HSPH1: variants seen among roughly 807,000 people sequenced by gnomAD.
HSPH1 encodes heat shock protein family H (Hsp110) member 1, also known as heat shock protein 105 kDa.
HSPH1 carries 40 observed loss-of-function variants against 100.0 expected under a neutral mutation model. The ratio of observed to expected loss-of-function variants is 0.40; its 90% CI spans 0.31 to 0.52. The LOEUF (loss-of-function observed/expected upper bound fraction) is 0.52. HSPH1 is among the 20% of genes least tolerant of loss of function. The probability of loss-of-function intolerance (pLI) is 0.54; values close to 1 mark genes in which losing one functional copy is unlikely to be tolerated. For missense variants in HSPH1, 876 were observed against 1,015.1 expected (o/e 0.86, Z 1.86); for synonymous variants, 403 against 344.0 (o/e 1.17, Z -1.90).
At chr13:31,142,388 C>T (rs1157373890) in intron 12 of HSPH1, among the ~76,000 whole-genome samples, 2 of 152,046 alleles carry the variant, frequency 1.3e-5, no homozygotes, top group African/African-American at 2.4e-5. Flanking sequence ...ATGAGCTAGG[C>T]AGTCAGCCTA....
At chr13:31,147,691 CAT>C (rs970611011) in intron 10 of HSPH1, among the ~76,000 whole-genome samples, 1 of 151,790 alleles carries the variant, frequency 6.6e-6, no homozygotes, top group South Asian at 2.1e-4. Context: ...TTAAAGTGTT[CAT>C]ATATATATAC....
chr13:31,161,396 T>C, intron 1 of HSPH1, 80 bp downstream of exon 1: 2 of 1,561,412 alleles, frequency 1.3e-6, no homozygotes, highest in Non-Finnish European at 8.7e-7. Flanking sequence ...CGGTGATCCG[T>C]ACAGCCAGCC....
chr13:31,160,176 T>A (rs763958424), intron 1 of HSPH1, among the ~76,000 whole-genome samples: 1 of 152,222 alleles, frequency 6.6e-6, no homozygotes, highest in East Asian at 1.9e-4. Flanking sequence ...CTTTGTTTTA[T>A]TGGATCAACC....
rs1006039855 is a variant in HSPH1 at position 31,158,733 on chromosome 13, A to G, written c.165+73T>C. On this transcript the variant is annotated intron_variant, in intron 2 of 17. Coordinates refer to ENST00000320027, the MANE Select transcript of HSPH1 (RefSeq NM_006644.4). ...AAACTTAGGCACACTTTACCCTCTT[A>G]TATGTCTCTTGAGATTTTCCTTTTA... is the stretch of plus-strand genomic sequence containing the variant. The G allele has an allele frequency of 4.3e-6, 4 of 934,704 alleles. No homozygotes were observed. The African/African-American group carries it at 6.5e-5, about 15-fold the overall frequency. 57.9% of individuals were successfully genotyped at this position (934,704 alleles called of 1,614,324 possible). A position where few individuals can be genotyped will look rare whatever the true frequency, so the allele number is the denominator to read the frequency against.
intron 11 of HSPH1, 86 bp from the exon 12 acceptor site, chr13:31,144,009 C>A: frequency 1.7e-6 from 2 of 1,152,382 alleles, no homozygotes; most frequent in South Asian, 5.0e-5. Context: ...AAAGAAAGTA[C>A]ACTCAATTTC....
Position 31,140,285 on chromosome 13 carries a change from A to G in HSPH1, c.1879T>C (p.Leu627=), listed in dbSNP as rs140483871. 145 of 1,610,496 alleles carry G rather than the reference A, an allele frequency of 9.0e-5. No individual in the cohort carries two copies. Among genetic ancestry groups the G allele is most frequent in the East Asian group, 4.2e-4 (19 of 44,768 alleles). The change falls in exon 14 of 18, where the codon TTG becomes CTG. Residue 627 remains leucine, a synonymous_variant. Coordinates refer to ENST00000320027, the MANE Select transcript of HSPH1 (RefSeq NM_006644.4). ...TTAGCATCATTCCTTTCTTTTTCCA[A>G]TTTATCTTGCATTATCATCTTACCC... ...TEGKMIMQDK[L]EKERNDAKNA...
In HSPH1 at chr13:31,137,398, T is replaced by G; in HGVS notation, c.2497A>C (p.Asn833His). 1 of 1,613,604 alleles carries G rather than the reference T, an allele frequency of 6.2e-7. No individual in the cohort carries two copies. The highest frequency in any genetic ancestry group is 8.5e-7 in the Non-Finnish European group (1 of 1,179,634). ...TGATGTGGAGGTTCAGCACCAAAAT[T>G]GTTTTTGTCTTCTAAATCTTCTTCC... ...KKEEDLEDKN[N>H]FGAEPPHQNG... Residue 833 changes from asparagine to histidine, a missense_variant, in exon 18 of 18, where the codon AAT (asparagine) becomes CAT (histidine). By Grantham distance (68) the Asn-to-His change is moderately conservative. Transcript: ENST00000320027.
upstream of HSPH1, chr13:31,161,964 T>A: frequency 6.5e-7 from 1 of 1,536,036 alleles, no homozygotes; most frequent in Non-Finnish European, 8.7e-7. Context: ...CTTTCCAGAA[T>A]CTGCGGCATT....
chr13:31,150,874 C>T, intron 7 of HSPH1, 73 bp downstream of exon 7: 1 of 1,436,920 alleles, frequency 7.0e-7, no homozygotes, highest in African/African-American at 1.4e-5. Flanking sequence ...TCACAACACC[C>T]ACTAGAACTG....
rs3761869 is a variant in HSPH1, at chr13:31,158,724, T to C, written c.165+82A>G. 1,136 of 858,392 alleles carry C rather than the reference T, an allele frequency of 1.3e-3. 9 individuals carry two copies. Among genetic ancestry groups the C allele is most frequent in the East Asian group, 0.013 (547 of 41,394 alleles). The allele number at this position is 858,392 out of a possible 1,614,324, so 53.2% of individuals were successfully genotyped here. On this transcript the variant is annotated intron_variant, in intron 2 of 17. Transcript: ENST00000320027. ...AAAATACATAAACTTAGGCACACTT[T>C]ACCCTCTTATATGTCTCTTGAGATT...
chr13:31,150,268 C>T, intron 7 of HSPH1, 86 bp from the exon 8 acceptor site: 1 of 949,484 alleles, frequency 1.1e-6, no homozygotes, highest in Non-Finnish European at 1.6e-6. Flanking sequence ...CATTATTTTC[C>T]CCCTCAGACA....
At chr13:31,149,608 CTTA>C (rs1329333016) in intron 8 of HSPH1, among the ~76,000 whole-genome samples, 3 of 152,052 alleles carry the variant, frequency 2.0e-5, no homozygotes, top group Non-Finnish European at 4.4e-5. Flanking sequence ...AAATCAATTC[CTTA>C]TTATATCAGA....
At chr13:31,139,405 A>T (rs10507396) in intron 14 of HSPH1, among the ~76,000 whole-genome samples, 20,337 of 152,108 alleles carry the variant, frequency 0.13, 1,593 homozygotes, top group Non-Finnish European at 0.16. Flanking sequence ...TCAAATGCTG[A>T]AGGGGAAGCT....
intron 2 of HSPH1, among the ~76,000 whole-genome samples, chr13:31,155,908 C>G (rs373932767): frequency 2.0e-5 from 3 of 152,148 alleles, no homozygotes; most frequent in African/African-American, 7.2e-5. Flanking sequence ...TGACGACAGA[C>G]TTTAAAGATT....
chr13:31,148,261 G>T, intron 9 of HSPH1, 113 bp downstream of exon 9: 1 of 1,013,210 alleles, frequency 9.9e-7, no homozygotes, highest in Non-Finnish European at 1.5e-6. Context: ...AAAGATTCCA[G>T]GTAAATTAAT....
intron 12 of HSPH1, among the ~76,000 whole-genome samples, chr13:31,143,059 T>TA (rs1956152578): frequency 2.0e-5 from 3 of 151,984 alleles, no homozygotes. Flanking sequence ...TGCCTGAGGA[T>TA]AAAAAACTCT....
chr13:31,138,937 T>C, intron 15 of HSPH1, 37 bp from the exon 16 acceptor site: 1 of 1,573,746 alleles, frequency 6.4e-7, no homozygotes, highest in South Asian at 1.2e-5. Flanking sequence ...GTTATCATAA[T>C]TTTATTTTAA....
At chr13:31,158,379 T>C (rs1233685233) in intron 2 of HSPH1, among the ~76,000 whole-genome samples, 2 of 151,746 alleles carry the variant, frequency 1.3e-5, no homozygotes, top group Non-Finnish European at 2.9e-5. Context: ...TGAAACCCCA[T>C]CTCCACTAAA....
At chr13:31,151,507 C>CTCT (rs1956486187) in intron 6 of HSPH1, 102 bp downstream of exon 6, 2 of 1,090,214 alleles carry the variant, frequency 1.8e-6, no homozygotes, top group African/African-American at 3.2e-5. Context: ...TAAAATAAAA[C>CTCT]TCTTCATTAC....
Sources: allele counts gnomAD v4.1 joint callset (sites outside exome capture counted in the v4.1 genomes callset), GRCh38; gene constraint gnomAD v4.1.1; transcripts MANE v1.5; gene names NCBI Gene and HGNC (gene_info 2026-07-23, HGNC 2026-07-21).